The following PLCB1 variants were observed in gnomAD, a reference collection of about 807,000 sequenced individuals.
PLCB1 encodes the protein phospholipase C beta 1, also known as 1-phosphatidylinositol 4,5-bisphosphate phosphodiesterase beta-1.
PLCB1 carries 46 observed loss-of-function variants against 161.8 expected under a neutral mutation model. The ratio of observed to expected loss-of-function variants is 0.28; its 90% confidence interval spans 0.22 to 0.36. The LOEUF is 0.36. Among genes scored for constraint, PLCB1 ranks in the 10% least tolerant of loss-of-function variants. PLCB1 has a pLI of 1.00. For missense variants in PLCB1, 1,016 were observed against 1,472.5 expected (o/e 0.69, Z 5.07); for synonymous variants, 517 against 503.7 (o/e 1.03, Z -0.35).
At chr20:8,482,092 A>ATTTTTTTTTTTTTTTTTTTTTT (rs199634903) in intron 3 of PLCB1, among the ~76,000 whole-genome samples, 3 of 104,882 alleles carry the variant, frequency 2.9e-5, no homozygotes, top group African/African-American at 4.2e-5. Context: ...GCTTGAAGGA[A>ATTTTTTTTTTTTTTTTTTTTTT]TTTTTTTTTT....
intron 3 of PLCB1, among the ~76,000 whole-genome samples, chr20:8,481,712 C>G (rs1982504134): frequency 6.6e-6 from 1 of 152,172 alleles, no homozygotes; most frequent in African/African-American, 2.4e-5. Context: ...TGTGCCTTCT[C>G]TGTCCTTCTC....
In PLCB1 at chr20:8,382,376, G is replaced by C. The variant is rs113565177; in HGVS notation, c.246+10926G>C. 1.0e-4 allele frequency among the ~76,000 whole-genome samples: 15 copies of C among 147,944 alleles called. 1 individual carries two copies. The highest frequency in any genetic ancestry group is 3.5e-3 in the Middle Eastern group (1 of 286). On this transcript the variant is annotated intron_variant, in intron 3 of 31. Transcript: ENST00000338037. ...CGGCTCTCTGCAAGCTCCGCCTCCC[G>C]GGTTCACGCCATTCTCCTCCCTCAG...
Position 8,363,852 on chromosome 20 carries a change from T to C in PLCB1, c.178-7530T>C, listed in dbSNP as rs192213418. Among the ~76,000 whole-genome samples the C allele has an allele frequency of 1.4e-3, 213 of 152,328 alleles. 1 individual carries two copies. Among genetic ancestry groups the C allele is most frequent in the African/African-American group, 4.9e-3 (205 of 41,582 alleles). ...ATAACTATCTCTGTTAGTTTTCTCA[T>C]CTGCAAAACAGAGAAATATGATAAT... On this transcript the variant is annotated intron_variant, in intron 2 of 31. Transcript: ENST00000338037.
At chr20:8,832,746 TG>T (rs1986076961) in intron 31 of PLCB1, among the ~76,000 whole-genome samples, 1 of 152,240 alleles carries the variant, frequency 6.6e-6, no homozygotes, top group Non-Finnish European at 1.5e-5. Context: ...TTTCAGCACA[TG>T]GCTTCCTGAA....
At chr20:8,652,843 C>T (rs906895344) in intron 7 of PLCB1, 7 of 152,048 alleles carry the variant, frequency 4.6e-5, no homozygotes, top group Non-Finnish European at 1.0e-4. Flanking sequence ...TTAGAAATCA[C>T]AGTTGCTAGC....
chr20:8,753,179 A>G (rs948085951), intron 23 of PLCB1, among the ~76,000 whole-genome samples: 4 of 152,152 alleles, frequency 2.6e-5, no homozygotes, highest in Non-Finnish European at 4.4e-5. Flanking sequence ...AAACAAGCTC[A>G]GGGCTCTCAC....
At chr20:8,316,160 C>T (rs930857727) in intron 2 of PLCB1, among the ~76,000 whole-genome samples, 1 of 152,210 alleles carries the variant, frequency 6.6e-6, no homozygotes, top group Admixed American at 6.5e-5. Context: ...GCTAACTCTA[C>T]AAAGCGCTCA....
rs1404318115 is a variant in PLCB1, at chr20:8,621,489, T to C, written c.247-6805T>C. Among the ~76,000 whole-genome samples the C allele has an allele frequency of 2.6e-5, 4 of 152,352 alleles. No individual in the cohort carries two copies. The East Asian group carries it at 7.7e-4, about 29-fold the overall frequency. ...CATGCACTTTTATTTTCAGCAAGGA[T>C]GATTGTACAAATAATGATTAAAATT... On this transcript the variant is annotated intron_variant, in intron 3 of 31. Coordinates refer to ENST00000338037, the MANE Select transcript of PLCB1 (RefSeq NM_015192.4).
At chr20:8,525,503 A>C (rs1193757648) in intron 3 of PLCB1, among the ~76,000 whole-genome samples, 9 of 152,162 alleles carry the variant, frequency 5.9e-5, no homozygotes, top group Non-Finnish European at 1.0e-4. Context: ...ACACTAAAAA[A>C]CTGTACTGAG....
intron 4 of PLCB1, among the ~76,000 whole-genome samples, chr20:8,645,601 G>C (rs555089890): frequency 6.6e-6 from 1 of 152,218 alleles, no homozygotes; most frequent in Non-Finnish European, 1.5e-5. Context: ...TGGGAGAAGG[G>C]AGAATATTGC....
chr20:8,435,743 C>CT (rs1980270901), intron 3 of PLCB1, among the ~76,000 whole-genome samples: 1 of 152,166 alleles, frequency 6.6e-6, no homozygotes, highest in Non-Finnish European at 1.5e-5. Context: ...TAGTTACAGT[C>CT]TTATGAGACA....
In PLCB1 at chr20:8,401,965, C is replaced by T. The variant is rs551049586; in HGVS notation, c.246+30515C>T. Among the ~76,000 whole-genome samples, 14 of 152,284 alleles carry T rather than the reference C, an allele frequency of 9.2e-5. No individual in the cohort carries two copies. The East Asian group carries it at 2.7e-3, about 29-fold the overall frequency. ...ATGGCTGCCAGGTCATCTAACATTA[C>T]TTATTGCATAACCTATTTTTTTCTC... is the stretch of plus-strand genomic sequence containing the variant. On this transcript the variant is annotated intron_variant, in intron 3 of 31. Transcript: ENST00000338037.
At chr20:8,530,978 A>G (rs1182071300) in intron 3 of PLCB1, among the ~76,000 whole-genome samples, 3 of 152,030 alleles carry the variant, frequency 2.0e-5, no homozygotes, top group Admixed American at 6.6e-5. Flanking sequence ...TCATTAATCT[A>G]TTCATGCAAG....
At chr20:8,427,553 A>C (rs1406144681) in intron 3 of PLCB1, among the ~76,000 whole-genome samples, 2 of 152,182 alleles carry the variant, frequency 1.3e-5, no homozygotes, top group Non-Finnish European at 2.9e-5. Context: ...CACAGTAACA[A>C]ATCATTTGCA....
intron 2 of PLCB1, among the ~76,000 whole-genome samples, chr20:8,311,685 A>G (rs1984411316): frequency 6.6e-6 from 1 of 152,138 alleles, no homozygotes; most frequent in Non-Finnish European, 1.5e-5. Flanking sequence ...ATGCTATCAT[A>G]ACTCCGGAGT....
intron 3 of PLCB1, among the ~76,000 whole-genome samples, chr20:8,545,671 A>G (rs566195196): frequency 1.1e-4 from 16 of 152,354 alleles, no homozygotes; most frequent in Admixed American, 8.5e-4. Flanking sequence ...GAGAAAGAAG[A>G]AAGTACCAAG....
chr20:8,293,636 G>A (rs886250886), intron 2 of PLCB1, among the ~76,000 whole-genome samples: 1 of 151,426 alleles, frequency 6.6e-6, no homozygotes, highest in African/African-American at 2.4e-5. Context: ...CATTGCTTTT[G>A]TATAAAGTGC....
chr20:8,806,217 T>C (rs1176667520), intron 31 of PLCB1, among the ~76,000 whole-genome samples: 1 of 152,066 alleles, frequency 6.6e-6, no homozygotes, highest in African/African-American at 2.4e-5. Flanking sequence ...CCACAATTAG[T>C]CACAGTTTCT....
At chr20:8,591,023 T>A (rs1359587341) in intron 3 of PLCB1, among the ~76,000 whole-genome samples, 3 of 152,072 alleles carry the variant, frequency 2.0e-5, no homozygotes, top group Non-Finnish European at 4.4e-5. Context: ...CCTCCCTGTG[T>A]CCATGTGTTC....
Sources: allele counts gnomAD v4.1 joint callset (sites outside exome capture counted in the v4.1 genomes callset), GRCh38; gene constraint gnomAD v4.1.1; transcripts MANE v1.5; gene names NCBI Gene and HGNC (gene_info 2026-07-23, HGNC 2026-07-21).